The following NFAM1 variants were observed in gnomAD, a reference collection of about 807,000 sequenced individuals.
The protein encoded by NFAM1 is NFAT activating protein with ITAM motif 1.
A neutral mutation model predicts 29.0 loss-of-function variants in NFAM1; 17 were observed. The ratio of observed to expected loss-of-function variants is 0.59; its 90% CI spans 0.40 to 0.88. The LOEUF (loss-of-function observed/expected upper bound fraction) is 0.88. NFAM1 is among the 40% of genes least tolerant of loss of function. The probability of loss-of-function intolerance (pLI) is 0.00; values close to 1 mark genes in which losing one functional copy is unlikely to be tolerated. For synonymous variants in NFAM1, 175 were observed against 147.2 expected (o/e 1.19, Z -1.36); for missense variants, 324 against 344.6 (o/e 0.94, Z 0.47).
intron 4 of NFAM1, among the ~76,000 whole-genome samples, chr22:42,387,546 A>G (rs932469213): frequency 2.1e-4 from 3 of 14,582 alleles, no homozygotes; most frequent in African/African-American, 8.5e-4. Flanking sequence ...GGGTCCTCCC[A>G]CCCACCCATA....
chr22:42,402,228 G>T (rs1320391199), intron 3 of NFAM1, among the ~76,000 whole-genome samples: 8 of 152,224 alleles, frequency 5.3e-5, no homozygotes, highest in African/African-American at 1.9e-4. Context: ...GGAGAGAGAA[G>T]AGCCGAGCAC....
intron 1 of NFAM1, among the ~76,000 whole-genome samples, chr22:42,422,264 A>T (rs1930470509): frequency 6.6e-6 from 1 of 152,186 alleles, no homozygotes; most frequent in Non-Finnish European, 1.5e-5. Flanking sequence ...AATAAGCCTC[A>T]CAAGGGTCAA....
At chr22:42,413,795 C>T (rs961742599) in intron 1 of NFAM1, among the ~76,000 whole-genome samples, 6 of 151,618 alleles carry the variant, frequency 4.0e-5, no homozygotes, top group African/African-American at 4.9e-5. Flanking sequence ...GGCTCATGCC[C>T]GTAATCCCAG....
At chr22:42,430,997 G>T (rs1235568289) in intron 1 of NFAM1, among the ~76,000 whole-genome samples, 1 of 152,190 alleles carries the variant, frequency 6.6e-6, no homozygotes, top group African/African-American at 2.4e-5. Context: ...GTGTCCTAGG[G>T]CTCTGGGCTG....
intron 1 of NFAM1, among the ~76,000 whole-genome samples, chr22:42,429,276 C>A (rs9623591): frequency 0.015 from 2,326 of 152,280 alleles, 64 homozygotes; most frequent in African/African-American, 0.053. Context: ...TGAGGCATAG[C>A]GATAGAAGTA....
intron 3 of NFAM1, among the ~76,000 whole-genome samples, chr22:42,407,969 G>A (rs1221860393): frequency 7.2e-6 from 1 of 139,002 alleles, no homozygotes; most frequent in Admixed American, 7.7e-5. Flanking sequence ...GTGCAGTAGT[G>A]TAATCTCACT....
chr22:42,430,917 C>T (rs903951035), intron 1 of NFAM1, among the ~76,000 whole-genome samples: 1 of 152,082 alleles, frequency 6.6e-6, no homozygotes, highest in African/African-American at 2.4e-5. Context: ...GCTGCATTTC[C>T]GGGGTCTGGC....
At chr22:42,431,289 CTAAGGG>C (rs1930788693) in intron 1 of NFAM1, among the ~76,000 whole-genome samples, 2 of 152,110 alleles carry the variant, frequency 1.3e-5, no homozygotes, top group Non-Finnish European at 2.9e-5. Context: ...ACGTGCCCTG[CTAAGGG>C]CTCCATAAAG....
At chr22:42,412,596 T>A (rs912140517) in intron 1 of NFAM1, among the ~76,000 whole-genome samples, 4 of 152,038 alleles carry the variant, frequency 2.6e-5, no homozygotes, top group Admixed American at 2.6e-4. Flanking sequence ...AAGCTGGTGA[T>A]GGATGAGAAA....
chr22:42,429,986 G>C (rs1930742948), intron 1 of NFAM1, among the ~76,000 whole-genome samples: 1 of 152,192 alleles, frequency 6.6e-6, no homozygotes, highest in Non-Finnish European at 1.5e-5. Flanking sequence ...TTGGGGGTTG[G>C]GCACAGTGGC....
intron 4 of NFAM1, among the ~76,000 whole-genome samples, chr22:42,387,561 C>G (rs1364741383): frequency 6.6e-6 from 1 of 150,456 alleles, no homozygotes; most frequent in Non-Finnish European, 1.5e-5. Flanking sequence ...CCCATACCCT[C>G]TAGCTCTCCC....
intron 1 of NFAM1, among the ~76,000 whole-genome samples, chr22:42,412,529 T>C (rs563868002): frequency 1.3e-5 from 2 of 152,272 alleles, no homozygotes; most frequent in East Asian, 3.9e-4. Context: ...CCAACCCCTC[T>C]TCTTCCCAAA....
chr22:42,436,039 C>T (rs571544922), upstream of NFAM1, among the ~76,000 whole-genome samples: 17 of 152,232 alleles, frequency 1.1e-4, no homozygotes, highest in South Asian at 3.5e-3. Flanking sequence ...AGGCTGGTCT[C>T]GAACTCCTGA....
At chr22:42,391,731 G>C (rs1456992115) in intron 4 of NFAM1, among the ~76,000 whole-genome samples, 1 of 151,890 alleles carries the variant, frequency 6.6e-6, no homozygotes, top group East Asian at 1.9e-4. Flanking sequence ...GATCATTTGA[G>C]GTCAGGAGTT....
At chr22:42,429,264 A>G (rs888113618) in intron 1 of NFAM1, among the ~76,000 whole-genome samples, 1 of 152,220 alleles carries the variant, frequency 6.6e-6, no homozygotes, top group Non-Finnish European at 1.5e-5. Flanking sequence ...AGAGGAGACA[A>G]TTGAGGCATA....
rs1486481616 is a variant in NFAM1, at chr22:42,385,226, TAGAAAAGA to T, written c.754-14_754-7del. The T allele has an allele frequency of 6.3e-7, 1 of 1,597,944 alleles. No individual in the cohort carries two copies. The highest frequency in any genetic ancestry group is 8.6e-7 in the Non-Finnish European group (1 of 1,165,472). The stretch of plus-strand genomic sequence containing the variant: ...TCGAATCTATGCGGTCTCTCCTGGA[TAGAAAAGA>T]AGAAAGGGAGGGAAGGAGAGAAAGA... On this transcript the variant is annotated splice_polypyrimidine_tract_variant and splice_region_variant and intron_variant, in intron 5 of 5. Coordinates refer to ENST00000329021, the MANE Select transcript of NFAM1 (RefSeq NM_145912.8).
intron 1 of NFAM1, among the ~76,000 whole-genome samples, chr22:42,430,225 T>C (rs554725442): frequency 6.6e-6 from 1 of 151,168 alleles, no homozygotes; most frequent in African/African-American, 2.4e-5. Context: ...ATTGCACCAC[T>C]GCACTCCAGC....
chr22:42,428,141 C>T (rs1293515837), intron 1 of NFAM1, among the ~76,000 whole-genome samples: 4 of 152,232 alleles, frequency 2.6e-5, no homozygotes, highest in Admixed American at 1.3e-4. Context: ...CTGCATCCCA[C>T]TCCTGTGTCA....
intron 3 of NFAM1, among the ~76,000 whole-genome samples, chr22:42,400,463 C>A (rs112219218): frequency 0.09 from 13,622 of 152,138 alleles, 822 homozygotes; most frequent in Non-Finnish European, 0.13. Context: ...ACTAAAAATA[C>A]AAAAATTAGC....
Sources: allele counts gnomAD v4.1 joint callset (sites outside exome capture counted in the v4.1 genomes callset), GRCh38; gene constraint gnomAD v4.1.1; transcripts MANE v1.5; gene names NCBI Gene and HGNC (gene_info 2026-07-23, HGNC 2026-07-21).